The following PPP2R5A variants were observed in gnomAD, a reference collection of about 807,000 sequenced individuals.
PPP2R5A encodes protein phosphatase 2 regulatory subunit B'alpha.
A neutral mutation model predicts 64.2 loss-of-function variants in PPP2R5A; 25 were observed. The observed-to-expected ratio is 0.39, with a 90% CI of 0.28 to 0.54. The LOEUF is 0.54. Ranked by LOEUF, PPP2R5A falls within the 20% of genes least tolerant of loss-of-function variation. The pLI, the probability that PPP2R5A is intolerant of heterozygous loss-of-function variation, is 0.67. For missense variants in PPP2R5A, 425 were observed against 576.3 expected (o/e 0.74, Z 2.69); for synonymous variants, 198 against 201.2 (o/e 0.98, Z 0.13).
chr1:212,334,209 A>G (rs1333144740), intron 3 of PPP2R5A, among the ~76,000 whole-genome samples: 1 of 152,132 alleles, frequency 6.6e-6, no homozygotes, highest in Non-Finnish European at 1.5e-5. Context: ...TCATTTGGCT[A>G]TTGTGAATAG....
chr1:212,352,894 G>C (rs757547816), intron 8 of PPP2R5A: 18 of 519,102 alleles, frequency 3.5e-5, no homozygotes, highest in Admixed American at 2.9e-4. Context: ...AGTTTTCCTT[G>C]ATGGTCATAG....
intron 4 of PPP2R5A, 77 bp downstream of exon 4, chr1:212,342,357 A>G: frequency 6.7e-7 from 1 of 1,502,600 alleles, no homozygotes; most frequent in Non-Finnish European, 8.9e-7. Context: ...AAAATAGTGT[A>G]GTCTTTCAAA....
At chr1:212,341,188 G>C (rs905723980) in intron 3 of PPP2R5A, among the ~76,000 whole-genome samples, 11 of 152,146 alleles carry the variant, frequency 7.2e-5, no homozygotes, top group African/African-American at 2.7e-4. Flanking sequence ...ATTCTGATTT[G>C]TGGTAGCAAG....
At position 212,320,580 on chromosome 1, in the gene PPP2R5A, C is replaced by A. The variant is rs529781081; in HGVS notation, c.182-8555C>A. 3.4e-3 allele frequency among the ~76,000 whole-genome samples: 501 copies of A among 148,284 alleles called. 16 individuals carry two copies. Among genetic ancestry groups the A allele is most frequent in the Admixed American group, 5.2e-3 (78 of 15,004 alleles). On this transcript the variant is annotated intron_variant, in intron 1 of 12. Transcript: ENST00000261461. The stretch of plus-strand genomic sequence containing the variant: ...GCGGCTGTCCGGGCGGGGGGCTGAC[C>A]CCCCCGCCTCCCTCCCGGACGGGGC...
At chr1:212,300,986 C>CTTA (rs934737691) in intron 1 of PPP2R5A, among the ~76,000 whole-genome samples, 3 of 152,100 alleles carry the variant, frequency 2.0e-5, no homozygotes, top group African/African-American at 4.8e-5. Context: ...GTCTGTAGAG[C>CTTA]TTAGGTCCTG....
rs1411348537 is a variant in PPP2R5A at position 212,361,604 on chromosome 1, G to T, written c.*834G>T. 1.3e-5 allele frequency: 2 copies of T among 152,698 alleles called. No homozygotes were observed. Among genetic ancestry groups the T allele is most frequent in the South Asian group, 2.1e-4 (1 of 4,832 alleles). 9.5% of individuals were successfully genotyped at this position (152,698 alleles called of 1,614,324 possible). ...TGGAGGCTTTGAGTCCCACAGTGTG[G>T]TGATACAGAGCACTAGTTGTCACTG... On this transcript the variant is annotated 3_prime_UTR_variant, in exon 13 of 13. Coordinates refer to ENST00000261461, the MANE Select transcript of PPP2R5A (RefSeq NM_006243.4).
chr1:212,314,888 G>A (rs535798292), intron 1 of PPP2R5A, among the ~76,000 whole-genome samples: 3 of 151,752 alleles, frequency 2.0e-5, no homozygotes, highest in South Asian at 4.2e-4. Flanking sequence ...TAAATTTTTC[G>A]TAGAGACAAG....
intron 1 of PPP2R5A, among the ~76,000 whole-genome samples, chr1:212,317,192 T>C (rs1659171600): frequency 6.6e-6 from 1 of 152,218 alleles, no homozygotes; most frequent in South Asian, 2.1e-4. Context: ...GTCTCTTGCC[T>C]ATGGGCCTAT....
intron 1 of PPP2R5A, among the ~76,000 whole-genome samples, chr1:212,322,610 C>CG (rs1268342885): frequency 6.6e-6 from 1 of 152,092 alleles, no homozygotes; most frequent in Non-Finnish European, 1.5e-5. Context: ...ACAGCAGCTT[C>CG]GCTTCTCTCA....
intron 1 of PPP2R5A, among the ~76,000 whole-genome samples, chr1:212,322,446 A>T (rs1165692731): frequency 1.3e-5 from 2 of 152,196 alleles, no homozygotes; most frequent in African/African-American, 4.8e-5. Flanking sequence ...CATATTAATT[A>T]CATCTACAAA....
Position 212,360,860 on chromosome 1 carries a change from A to C in PPP2R5A, c.*90A>C. 7.8e-7 allele frequency: 1 copy of C among 1,286,328 alleles called. No homozygotes were observed. The highest frequency in any genetic ancestry group is 1.0e-6 in the Non-Finnish European group (1 of 983,660). 79.7% of individuals were successfully genotyped at this position (1,286,328 alleles called of 1,614,324 possible). A position where few individuals can be genotyped will look rare whatever the true frequency, so the allele number is the denominator to read the frequency against. On this transcript the variant is annotated 3_prime_UTR_variant, in exon 13 of 13. Coordinates refer to ENST00000261461, the MANE Select transcript of PPP2R5A (RefSeq NM_006243.4). ...ATTACAAAACAAACCTCATCAGTAT[A>C]ATATAATTAAAAGGCCAATTTTTTC...
intron 1 of PPP2R5A, among the ~76,000 whole-genome samples, chr1:212,303,233 C>G (rs1176607073): frequency 1.3e-5 from 2 of 152,168 alleles, no homozygotes; most frequent in Non-Finnish European, 2.9e-5. Context: ...TTTCATCGCT[C>G]CACATCCTTA....
chr1:212,295,104 T>C (rs769125631), intron 1 of PPP2R5A, among the ~76,000 whole-genome samples: 9 of 152,138 alleles, frequency 5.9e-5, no homozygotes, highest in Non-Finnish European at 1.2e-4. Context: ...GTTGCTATGT[T>C]GAAGAATGGA....
intron 2 of PPP2R5A, among the ~76,000 whole-genome samples, chr1:212,330,283 C>A (rs1432094345): frequency 6.6e-6 from 1 of 152,054 alleles, no homozygotes; most frequent in African/African-American, 2.4e-5. Flanking sequence ...AACCCCAGCA[C>A]TTTGGGAGGC....
intron 4 of PPP2R5A, among the ~76,000 whole-genome samples, chr1:212,342,955 C>CTT (rs148263039): frequency 2.7e-5 from 4 of 148,726 alleles, no homozygotes; most frequent in Non-Finnish European, 3.0e-5. Flanking sequence ...TTAAAGGCCT[C>CTT]TTTTTTTTTT....
At chr1:212,310,497 A>G (rs1391584669) in intron 1 of PPP2R5A, among the ~76,000 whole-genome samples, 3 of 152,112 alleles carry the variant, frequency 2.0e-5, no homozygotes, top group Admixed American at 6.5e-5. Flanking sequence ...TTTATGGCCT[A>G]CTTCTCCCCC....
chr1:212,344,075 G>A (rs1018285776), intron 4 of PPP2R5A, among the ~76,000 whole-genome samples: 4 of 152,146 alleles, frequency 2.6e-5, no homozygotes, highest in South Asian at 2.1e-4. Context: ...AGGTTCAAGC[G>A]ATTCTCCTGG....
intron 2 of PPP2R5A, among the ~76,000 whole-genome samples, chr1:212,330,441 C>T (rs1659482942): frequency 6.6e-6 from 1 of 151,626 alleles, no homozygotes; most frequent in African/African-American, 2.4e-5. Flanking sequence ...CCCAGCTACT[C>T]AGGAGGCTGA....
intron 11 of PPP2R5A, chr1:212,357,531 C>T (rs577098020): frequency 2.2e-4 from 50 of 230,232 alleles, no homozygotes; most frequent in Non-Finnish European, 2.9e-4. Context: ...CAGCCGGGCG[C>T]GGTGGCTCAC....
Sources: allele counts gnomAD v4.1 joint callset (sites outside exome capture counted in the v4.1 genomes callset), GRCh38; gene constraint gnomAD v4.1.1; transcripts MANE v1.5; gene names NCBI Gene and HGNC (gene_info 2026-07-23, HGNC 2026-07-21).